Variants in PRKCB observed in about 807,000 individuals in gnomAD.
PRKCB encodes protein kinase C beta type.
In PRKCB, 13 loss-of-function variants were observed where a neutral mutation model predicts 81.5. The ratio of observed to expected loss-of-function variants is 0.16; its 90% CI spans 0.10 to 0.25. PRKCB has a LOEUF of 0.25. PRKCB is among the 10% of genes least tolerant of loss of function. The pLI is 1.00. For synonymous variants in PRKCB, 335 were observed against 321.4 expected (o/e 1.04, Z -0.45); for missense variants, 509 against 875.7 (o/e 0.58, Z 5.29).
chr16:24,127,984 T>G (rs1229759057), intron 9 of PRKCB, among the ~76,000 whole-genome samples: 1 of 152,202 alleles, frequency 6.6e-6, no homozygotes, highest in Non-Finnish European at 1.5e-5. Flanking sequence ...AGTGATTTGC[T>G]CTTCCCCTTC....
intron 2 of PRKCB, among the ~76,000 whole-genome samples, chr16:23,921,996 G>C (rs570264665): frequency 1.1e-4 from 16 of 152,112 alleles, no homozygotes; most frequent in Non-Finnish European, 1.9e-4. Flanking sequence ...GGAACAGTAA[G>C]AGCAAAGGCT....
At chr16:24,063,094 G>A (rs1050965548) in intron 5 of PRKCB, among the ~76,000 whole-genome samples, 6 of 151,980 alleles carry the variant, frequency 3.9e-5, no homozygotes, top group Non-Finnish European at 8.8e-5. Context: ...ATTTCACTGG[G>A]CTCTGGTAAC....
chr16:24,113,167 C>G, intron 8 of PRKCB, 98 bp downstream of exon 8: 1 of 818,298 alleles, frequency 1.2e-6, no homozygotes. Context: ...CTCTCTTATT[C>G]TTTTTTCTCT....
At chr16:23,894,684 TA>T (rs1174682574) in intron 2 of PRKCB, among the ~76,000 whole-genome samples, 4 of 152,224 alleles carry the variant, frequency 2.6e-5, no homozygotes, top group Non-Finnish European at 5.9e-5. Context: ...GGGAAAAGAA[TA>T]TTTTTTTAAG....
intron 2 of PRKCB, among the ~76,000 whole-genome samples, chr16:23,968,685 G>GA (rs1156375145): frequency 2.0e-5 from 3 of 151,986 alleles, no homozygotes; most frequent in African/African-American, 4.8e-5. Context: ...GAATCAGAGA[G>GA]AAAAAAATGG....
At chr16:24,050,759 G>A (rs1040872796) in intron 5 of PRKCB, among the ~76,000 whole-genome samples, 3 of 152,104 alleles carry the variant, frequency 2.0e-5, no homozygotes, top group African/African-American at 2.4e-5. Context: ...GAAAAACACT[G>A]TCCTAGACAA....
intron 2 of PRKCB, among the ~76,000 whole-genome samples, chr16:23,881,750 T>G (rs1288321323): frequency 2.6e-5 from 4 of 152,050 alleles, no homozygotes; most frequent in East Asian, 3.9e-4. Flanking sequence ...TTAAGTACAT[T>G]TACATTGTTG....
chr16:23,855,922 C>G (rs1045697121), intron 2 of PRKCB, among the ~76,000 whole-genome samples: 4 of 152,196 alleles, frequency 2.6e-5, no homozygotes, highest in South Asian at 2.1e-4. Context: ...TTCCCAGCAG[C>G]TGGGGGAATG....
chr16:24,136,486 G>A (rs1037593707), intron 9 of PRKCB, among the ~76,000 whole-genome samples: 31 of 152,244 alleles, frequency 2.0e-4, no homozygotes, highest in African/African-American at 6.3e-4. Flanking sequence ...GCTCCATCTG[G>A]GGGGTTGTAG....
At chr16:23,956,980 A>G (rs938982953) in intron 2 of PRKCB, among the ~76,000 whole-genome samples, 7 of 18,970 alleles carry the variant, frequency 3.7e-4, no homozygotes, top group Non-Finnish European at 6.1e-4. Flanking sequence ...TATAGGCAGT[A>G]AAAAAAAAAA....
At chr16:24,117,166 C>T (rs1966745179) in intron 8 of PRKCB, among the ~76,000 whole-genome samples, 1 of 150,778 alleles carries the variant, frequency 6.6e-6, no homozygotes, top group East Asian at 1.9e-4. Context: ...AATCCCTGGG[C>T]GATAACCAAT....
At chr16:24,075,580 A>G (rs1966167016) in intron 5 of PRKCB, among the ~76,000 whole-genome samples, 1 of 152,216 alleles carries the variant, frequency 6.6e-6, no homozygotes, top group South Asian at 2.1e-4. Context: ...GGCATCAGCT[A>G]TTCTGCTGGA....
chr16:23,893,254 G>T (rs1359925203), intron 2 of PRKCB: 2 of 152,306 alleles, frequency 1.3e-5, no homozygotes, highest in African/African-American at 2.4e-5. Context: ...GAGAAGCCAA[G>T]AAAACTTACT....
intron 2 of PRKCB, among the ~76,000 whole-genome samples, chr16:23,911,825 C>CTTTTTTTTTTTTTTTTTTTTTTTT (rs1567311221): frequency 7.9e-6 from 1 of 126,372 alleles, no homozygotes; most frequent in Non-Finnish European, 1.6e-5. Flanking sequence ...GCGCGACCCA[C>CTTTTTTTTTTTTTTTTTTTTTTTT]ATTTTTTTTT....
At chr16:24,019,173 CTT>C (rs562397722) in intron 3 of PRKCB, among the ~76,000 whole-genome samples, 25 of 134,456 alleles carry the variant, frequency 1.9e-4, no homozygotes, top group Non-Finnish European at 1.8e-4. Flanking sequence ...TTTTTTTTTT[CTT>C]TTTTTTTTTT....
chr16:23,988,652 G>T, intron 3 of PRKCB, 62 bp downstream of exon 3: 1 of 1,422,284 alleles, frequency 7.0e-7, no homozygotes, highest in Non-Finnish European at 9.9e-7. Flanking sequence ...GTGATTAAAT[G>T]TGAGTGAGCA....
chr16:23,967,766 C>T (rs1964506500), intron 2 of PRKCB, among the ~76,000 whole-genome samples: 1 of 152,186 alleles, frequency 6.6e-6, no homozygotes, highest in Admixed American at 6.5e-5. Context: ...GATTCTCCTG[C>T]CTCAGCCTCC....
intron 15 of PRKCB, among the ~76,000 whole-genome samples, chr16:24,189,869 A>G (rs1484234600): frequency 6.6e-6 from 1 of 152,208 alleles, no homozygotes; most frequent in African/African-American, 2.4e-5. Context: ...AGATTCTGCC[A>G]TCATGGGCTT....
chr16:24,072,246 C>G (rs113949140), intron 5 of PRKCB, among the ~76,000 whole-genome samples: 1,767 of 152,142 alleles, frequency 0.012, 26 homozygotes, highest in African/African-American at 0.04. Flanking sequence ...TTCTCCCAGC[C>G]CCTGGCAACC....
Sources: gnomAD v4.1 joint callset for allele counts (sites outside exome capture counted in the v4.1 genomes callset) on GRCh38, gnomAD v4.1.1 for gene constraint, MANE v1.5 for transcripts, NCBI Gene and HGNC (gene_info 2026-07-23, HGNC 2026-07-21) for gene names.